The following EXOC5 variants were observed in gnomAD, a reference collection of about 807,000 sequenced individuals.
The protein encoded by EXOC5 is SEC10-like 1.
Under a neutral mutation model 90.8 loss-of-function variants are expected in EXOC5, and 17 were observed. That is an observed-to-expected ratio of 0.19 (90% CI 0.13 to 0.28). EXOC5 has a LOEUF of 0.28. Among genes scored for constraint, EXOC5 ranks in the 10% least tolerant of loss-of-function variants. The probability of loss-of-function intolerance (pLI) is 1.00; values close to 1 mark genes in which losing one functional copy is unlikely to be tolerated. For synonymous variants in EXOC5, 260 were observed against 270.0 expected, an observed-to-expected ratio of 0.96 and a Z score of 0.36; for missense variants, 569 against 830.6, an observed-to-expected ratio of 0.69 and a Z score of 3.87.
chr14:57,227,475 T>C (rs962448172), intron 12 of EXOC5, among the ~76,000 whole-genome samples: 1 of 152,198 alleles, frequency 6.6e-6, no homozygotes, highest in Admixed American at 6.5e-5. Context: ...ATGAAAAAAA[T>C]GCTGTTATGA....
rs1882851737 is a variant in EXOC5, at chr14:57,212,287, G to A, written c.1614-2226C>T. 2.0e-5 allele frequency among the ~76,000 whole-genome samples: 3 copies of A among 152,206 alleles called. No individual in the cohort carries two copies. In the South Asian group the frequency reaches 6.2e-4, roughly 31 times the overall value. ...TGTCAAGGAATAACAAAATCTTGTA[G>A]TTGTTATCCAGTCCAGCTTCCCTGC... On this transcript the variant is annotated intron_variant, in intron 15 of 17. Coordinates refer to ENST00000621441, the MANE Select transcript of EXOC5 (RefSeq NM_006544.4).
chr14:57,259,632 T>C (rs1476871334), intron 1 of EXOC5, among the ~76,000 whole-genome samples: 3 of 152,230 alleles, frequency 2.0e-5, no homozygotes, highest in African/African-American at 7.2e-5. Flanking sequence ...CCTGGCTCTA[T>C]TCCCGTTTCT....
At position 57,202,073 on chromosome 14, in the gene EXOC5, A is replaced by T. The variant is rs1882525043; in HGVS notation, c.*6536T>A. 2 of 152,142 alleles carry T rather than the reference A, an allele frequency of 1.3e-5. No homozygotes were observed. Among genetic ancestry groups the T allele is most frequent in the African/African-American group, 4.8e-5 (2 of 41,448 alleles). The allele number at this position is 152,142 out of a possible 1,614,324, so 9.4% of individuals were successfully genotyped here. ...TTGAAATTGTGTACTATGTGATAGG[A>T]TGCAACAATAACACAGAGTTGCATC... On this transcript the variant is annotated 3_prime_UTR_variant, in exon 18 of 18. Coordinates refer to ENST00000621441, the MANE Select transcript of EXOC5 (RefSeq NM_006544.4).
At chr14:57,260,659 T>A (rs1660650983) in intron 1 of EXOC5, among the ~76,000 whole-genome samples, 1 of 152,152 alleles carries the variant, frequency 6.6e-6, no homozygotes, top group Non-Finnish European at 1.5e-5. Context: ...AGCAGAATCA[T>A]ATAATTAGAT....
In EXOC5 at chr14:57,206,797, T is replaced by C. The variant is rs1323005988; in HGVS notation, c.*1812A>G. The C allele has an allele frequency of 1.3e-5, 2 of 152,522 alleles. No individual in the cohort carries two copies. Among genetic ancestry groups the C allele is most frequent in the Non-Finnish European group, 2.9e-5 (2 of 67,948 alleles). 9.4% of individuals were successfully genotyped at this position (152,522 alleles called of 1,614,324 possible). A position where few individuals can be genotyped will look rare whatever the true frequency, so the allele number is the denominator to read the frequency against. Reference sequence around the variant, plus strand: ...CAAACAAAATAATTTGAAGCACTTCTCTGATTTGGAAGTCTTAAAATGTTA... The same window carrying C: ...CAAACAAAATAATTTGAAGCACTTCCCTGATTTGGAAGTCTTAAAATGTTA... On this transcript the variant is annotated 3_prime_UTR_variant, in exon 18 of 18. Coordinates refer to ENST00000621441, the MANE Select transcript of EXOC5 (RefSeq NM_006544.4).
rs1323996301 is a variant in EXOC5, at chr14:57,208,367, C to T, written c.*242G>A. The T allele has an allele frequency of 5.7e-5, 20 of 351,400 alleles. No individual in the cohort carries two copies. Among genetic ancestry groups the T allele is most frequent in the Non-Finnish European group, 9.2e-5 (18 of 194,942 alleles). The allele number at this position is 351,400 out of a possible 1,614,324, so 21.8% of individuals were successfully genotyped here. A position where few individuals can be genotyped will look rare whatever the true frequency, so the allele number is the denominator to read the frequency against. On this transcript the variant is annotated 3_prime_UTR_variant, in exon 18 of 18. Transcript: ENST00000621441. The stretch of plus-strand genomic sequence containing the variant: ...AGTTTTAGAGAATCTGAAATTTCTA[C>T]ATTCAAGAATGGAATTAAAATTCAA...
At chr14:57,232,902 T>C in intron 9 of EXOC5, 153 bp from the exon 10 acceptor site, 1 of 501,034 alleles carries the variant, frequency 2.0e-6, no homozygotes. Context: ...AAACCAATCA[T>C]AAAATATTTT....
At chr14:57,221,022 A>C (rs1335977220) in intron 13 of EXOC5, among the ~76,000 whole-genome samples, 1 of 152,212 alleles carries the variant, frequency 6.6e-6, no homozygotes, top group Non-Finnish European at 1.5e-5. Flanking sequence ...TTAACAGATA[A>C]AAATTTCATT....
intron 5 of EXOC5, among the ~76,000 whole-genome samples, chr14:57,238,872 T>A (rs1883764442): frequency 6.6e-6 from 1 of 152,090 alleles, no homozygotes; most frequent in African/African-American, 2.4e-5. Flanking sequence ...TTATAATATA[T>A]TAAATCATAT....
At chr14:57,238,215 CAT>C (rs774674398) in intron 5 of EXOC5, among the ~76,000 whole-genome samples, 10,809 of 96,270 alleles carry the variant, frequency 0.11, 470 homozygotes, top group African/African-American at 0.14. Context: ...TTCAACTCCA[CAT>C]ATATATACAC....
At chr14:57,222,725 TTATATACACACACATATA>T (rs1269042590) in intron 12 of EXOC5, among the ~76,000 whole-genome samples, 2 of 149,652 alleles carry the variant, frequency 1.3e-5, no homozygotes, top group Non-Finnish European at 3.0e-5. Flanking sequence ...CCCCCATATA[TTATATACACACACATATA>T]TATATACACA....
At chr14:57,255,239 C>T (rs1218329809) in intron 1 of EXOC5, among the ~76,000 whole-genome samples, 1 of 152,088 alleles carries the variant, frequency 6.6e-6, no homozygotes, top group Non-Finnish European at 1.5e-5. Flanking sequence ...AACTCTAAGC[C>T]CCTAAAATAG....
chr14:57,220,687 C>A (rs568182295), intron 13 of EXOC5, among the ~76,000 whole-genome samples: 27 of 152,142 alleles, frequency 1.8e-4, no homozygotes, highest in African/African-American at 6.5e-4. Flanking sequence ...GTAGTTATAG[C>A]TACTCAGGAG....
At chr14:57,231,808 T>C (rs1883495923) in intron 10 of EXOC5, 93 bp from the exon 11 acceptor site, 2 of 813,270 alleles carry the variant, frequency 2.5e-6, no homozygotes, top group African/African-American at 1.7e-5. Flanking sequence ...GTGACTTTCA[T>C]GACTTATGTT....
Position 57,205,537 on chromosome 14 carries a change from A to G in EXOC5, c.*3072T>C, listed in dbSNP as rs999389803. On this transcript the variant is annotated 3_prime_UTR_variant, in exon 18 of 18. Coordinates refer to ENST00000621441, the MANE Select transcript of EXOC5 (RefSeq NM_006544.4). ...CCTTAGCCACTACCTTAGGTACTTG[A>G]CCACTTTAAGGGGTTTTGTGGCATT... 2.7e-5 allele frequency: 7 copies of G among 259,800 alleles called. No homozygotes were observed. The highest frequency in any genetic ancestry group is 4.5e-5 in the Non-Finnish European group (6 of 134,434). The allele number at this position is 259,800 out of a possible 1,614,324, so 16.1% of individuals were successfully genotyped here.
chr14:57,217,816 A>G (rs1883017618), intron 15 of EXOC5, among the ~76,000 whole-genome samples, 166 bp downstream of exon 15: 2 of 152,136 alleles, frequency 1.3e-5, no homozygotes, highest in Non-Finnish European at 2.9e-5. Flanking sequence ...TCCAATAAAA[A>G]CAACACTCTA....
chr14:57,238,375 TACACAC>T (rs1183693696), intron 5 of EXOC5, among the ~76,000 whole-genome samples: 12 of 74,898 alleles, frequency 1.6e-4, no homozygotes, highest in South Asian at 1.5e-3. Flanking sequence ...TATATATATA[TACACAC>T]ACACACACAC....
At chr14:57,210,298 A>G (rs1014153416) in intron 15 of EXOC5, among the ~76,000 whole-genome samples, 2 of 152,178 alleles carry the variant, frequency 1.3e-5, no homozygotes, top group African/African-American at 4.8e-5. Context: ...TTTGTGCAAT[A>G]CTTCAAGATT....
intron 15 of EXOC5, among the ~76,000 whole-genome samples, chr14:57,216,614 C>A (rs1882983449): frequency 6.6e-6 from 1 of 152,086 alleles, no homozygotes; most frequent in Non-Finnish European, 1.5e-5. Flanking sequence ...ACACCCTTAT[C>A]TTATACTCTA....
Sources: gnomAD v4.1 joint callset for allele counts (sites outside exome capture counted in the v4.1 genomes callset) on GRCh38, gnomAD v4.1.1 for gene constraint, MANE v1.5 for transcripts, NCBI Gene and HGNC (gene_info 2026-07-23, HGNC 2026-07-21) for gene names.